The following PCNT variants were observed in gnomAD, a reference collection of about 807,000 sequenced individuals.
PCNT encodes kendrin.
Under a neutral mutation model 380.4 loss-of-function variants are expected in PCNT, and 319 were observed. The ratio of observed to expected loss-of-function variants is 0.84; its 90% CI spans 0.77 to 0.92. The LOEUF (loss-of-function observed/expected upper bound fraction) is 0.92. PCNT is among the 40% of genes least tolerant of loss of function. PCNT has a pLI of 0.00. For synonymous variants in PCNT, 1,845 were observed against 1,735.2 expected (o/e 1.06, Z -1.57); for missense variants, 4,400 against 4,255.3 (o/e 1.03, Z -0.95).
At chr21:46,391,073 A>C (rs566714635) in intron 20 of PCNT, 91 bp from the exon 21 acceptor site, 2 of 1,299,500 alleles carry the variant, frequency 1.5e-6, no homozygotes. Context: ...TGCTGCTCTC[A>C]GGGGCAGTGG....
intron 27 of PCNT, among the ~76,000 whole-genome samples, chr21:46,405,526 C>T (rs1182312632): frequency 1.3e-5 from 2 of 152,162 alleles, no homozygotes. Flanking sequence ...GGTGAAACCC[C>T]GTCTCTACTA....
At chr21:46,328,402 A>G (rs2083454505) in intron 2 of PCNT, among the ~76,000 whole-genome samples, 1 of 151,836 alleles carries the variant, frequency 6.6e-6, no homozygotes. Context: ...TGCCAGGATT[A>G]CAGGATTTCT....
At chr21:46,430,352 C>G in intron 36 of PCNT, 120 bp downstream of exon 36, 3 of 1,375,188 alleles carry the variant, frequency 2.2e-6, no homozygotes, top group Non-Finnish European at 3.0e-6. Flanking sequence ...CCAGGGGCAC[C>G]GCGCCCTGCT....
chr21:46,389,118 G>T, intron 18 of PCNT, 81 bp from the exon 19 acceptor site: 2 of 1,430,014 alleles, frequency 1.4e-6, no homozygotes, highest in Non-Finnish European at 2.0e-6. Flanking sequence ...GAGTTCTGTG[G>T]CTTCCTTGTC....
At chr21:46,370,200 G>C (rs1054261559) in intron 15 of PCNT, among the ~76,000 whole-genome samples, 1 of 151,164 alleles carries the variant, frequency 6.6e-6, no homozygotes, top group Non-Finnish European at 1.5e-5. Context: ...CCTGGCCAGC[G>C]AGGCAGCTGC....
intron 23 of PCNT, 40 bp from the exon 24 acceptor site, chr21:46,398,195 T>A (rs1037498221): frequency 6.2e-7 from 1 of 1,607,504 alleles, no homozygotes; most frequent in Non-Finnish European, 8.5e-7. Context: ...AGCTTTAACT[T>A]TCTTTAAATT....
Position 46,430,496 on chromosome 21 carries a change from T to G in PCNT, c.7914-11T>G, listed in dbSNP as rs1310372613. 1 of 1,550,184 alleles carries G rather than the reference T, an allele frequency of 6.5e-7. No homozygotes were observed. Among genetic ancestry groups the G allele is most frequent in the Non-Finnish European group, 8.7e-7 (1 of 1,147,196 alleles). On this transcript the variant is annotated splice_polypyrimidine_tract_variant and intron_variant, in intron 36 of 46. Coordinates refer to ENST00000359568, the MANE Select transcript of PCNT (RefSeq NM_006031.6). ...CACGTGGTCAGATTGTTCTGCGATG[T>G]CTCCACGCAGATCCATGCTGAGCAG...
chr21:46,393,008 T>C (rs117822584), intron 21 of PCNT, among the ~76,000 whole-genome samples: 1 of 152,380 alleles, frequency 6.6e-6, no homozygotes, highest in East Asian at 1.9e-4. Flanking sequence ...AGCCAAGTTT[T>C]ATTTGCCGCA....
At chr21:46,365,627 G>C (rs1403549490) in intron 14 of PCNT, among the ~76,000 whole-genome samples, 1 of 138,110 alleles carries the variant, frequency 7.2e-6, no homozygotes, top group East Asian at 2.4e-4. Context: ...GTGGGGTTCT[G>C]ATCACTGCCA....
At chr21:46,350,144 A>G (rs910557565) in intron 8 of PCNT, among the ~76,000 whole-genome samples, 3 of 152,134 alleles carry the variant, frequency 2.0e-5, no homozygotes, top group African/African-American at 7.2e-5. Flanking sequence ...TCACCACTGC[A>G]CTCCATCCTG....
At chr21:46,354,467 G>A (rs1190016910) in intron 11 of PCNT, among the ~76,000 whole-genome samples, 1 of 152,208 alleles carries the variant, frequency 6.6e-6, no homozygotes, top group East Asian at 1.9e-4. Flanking sequence ...TGCGACTTCT[G>A]TCACCTTTAA....
chr21:46,410,842 G>A (rs1240135329), intron 27 of PCNT, among the ~76,000 whole-genome samples: 5 of 152,192 alleles, frequency 3.3e-5, no homozygotes, highest in African/African-American at 1.2e-4. Context: ...AAAATCTAAT[G>A]CACCTTCAGG....
At chr21:46,421,759 C>T (rs906276701) in intron 31 of PCNT, among the ~76,000 whole-genome samples, 3 of 152,208 alleles carry the variant, frequency 2.0e-5, no homozygotes, top group African/African-American at 4.8e-5. Context: ...TGTGAAGTTG[C>T]GTTTTCTTAC....
intron 43 of PCNT, 108 bp from the exon 44 acceptor site, chr21:46,442,389 G>A (rs922850478): frequency 2.7e-6 from 2 of 737,480 alleles, no homozygotes; most frequent in Non-Finnish European, 4.9e-6. Flanking sequence ...GGTCCCCATG[G>A]GCAGCGAGGC....
chr21:46,386,330 C>T (rs760378696), intron 17 of PCNT, among the ~76,000 whole-genome samples: 8 of 152,278 alleles, frequency 5.3e-5, no homozygotes, highest in South Asian at 4.1e-4. Flanking sequence ...TCCTCGTCCC[C>T]GGCACGGGGT....
In PCNT at chr21:46,405,123, C is replaced by A. The variant is rs75091272; in HGVS notation, c.5115+2640C>A. ...AGGCATACACCTATAGTACCAGCTA[C>A]TCTGAAGGATGAGATAGGAAGATCA... On this transcript the variant is annotated intron_variant, in intron 27 of 46. Transcript: ENST00000359568. Among the ~76,000 whole-genome samples the A allele has an allele frequency of 6.5e-3, 992 of 152,294 alleles. 9 individuals are homozygous for A. Among genetic ancestry groups the A allele is most frequent in the Non-Finnish European group, 0.011 (756 of 68,026 alleles).
rs760416456 is a variant in PCNT, at chr21:46,426,069, CTTTTTTTTT to C, written c.7320+117_7320+125del. ...GCCACGTGGACACTAGGATTTCTTT[CTTTTTTTTT>C]TTTTTTTTTTTTTTTTTTGAGACTC... On this transcript the variant is annotated intron_variant, in intron 33 of 46. Transcript: ENST00000359568. 64 of 309,262 alleles carry C rather than the reference CTTTTTTTTT, an allele frequency of 2.1e-4. 2 individuals carry two copies. The highest frequency in any genetic ancestry group is 2.0e-3 in the Middle Eastern group (2 of 1,000). The allele number at this position is 309,262 out of a possible 1,614,324, so 19.2% of individuals were successfully genotyped here.
chr21:46,370,117 G>A (rs1203494207), intron 15 of PCNT, among the ~76,000 whole-genome samples: 1 of 152,124 alleles, frequency 6.6e-6, no homozygotes, highest in African/African-American at 2.4e-5. Flanking sequence ...TACACTTGGA[G>A]CCGCTGGATT....
intron 3 of PCNT, among the ~76,000 whole-genome samples, chr21:46,344,829 C>T (rs1288754693): frequency 1.3e-5 from 2 of 152,182 alleles, no homozygotes; most frequent in Non-Finnish European, 2.9e-5. Context: ...GAAAAGGTTT[C>T]CAGAGGTGGG....
Sources: allele counts gnomAD v4.1 joint callset (sites outside exome capture counted in the v4.1 genomes callset), GRCh38; gene constraint gnomAD v4.1.1; transcripts MANE v1.5; gene names NCBI Gene and HGNC (gene_info 2026-07-23, HGNC 2026-07-21).